CNTN4: variants seen among roughly 807,000 people sequenced by gnomAD.
CNTN4 encodes contactin 4.
A neutral mutation model predicts 122.5 loss-of-function variants in CNTN4; 77 were observed. That is an observed-to-expected ratio of 0.63 (90% confidence interval 0.52 to 0.76). CNTN4 has a LOEUF of 0.76. Among genes scored for constraint, CNTN4 ranks in the 30% least tolerant of loss-of-function variants. The pLI, the probability that CNTN4 is intolerant of heterozygous loss-of-function variation, is 0.00. For missense variants in CNTN4, 1,256 were observed against 1,259.1 expected, an observed-to-expected ratio of 1.00 and a Z score of 0.04; for synonymous variants, 512 against 447.0, an observed-to-expected ratio of 1.15 and a Z score of -1.83.
chr3:2,130,789 T>C (rs1452356088), intron 2 of CNTN4, among the ~76,000 whole-genome samples: 4 of 152,196 alleles, frequency 2.6e-5, no homozygotes, highest in Non-Finnish European at 5.9e-5. Flanking sequence ...TCTGAAGCCC[T>C]TGGGGTCAAA....
At chr3:2,206,528 A>G (rs757165351) in intron 2 of CNTN4, among the ~76,000 whole-genome samples, 7 of 152,044 alleles carry the variant, frequency 4.6e-5, no homozygotes, top group South Asian at 2.1e-4. Flanking sequence ...ATAAGAAGAC[A>G]TATTTGGTTT....
chr3:2,727,930 G>T (rs1429525698), intron 4 of CNTN4, among the ~76,000 whole-genome samples: 1 of 152,184 alleles, frequency 6.6e-6, no homozygotes, highest in African/African-American at 2.4e-5. Flanking sequence ...TATCCTTTAA[G>T]CAGGCATGTC....
chr3:2,103,887 G>A (rs2032204873), intron 2 of CNTN4, among the ~76,000 whole-genome samples: 1 of 152,110 alleles, frequency 6.6e-6, no homozygotes, highest in Admixed American at 6.5e-5. Flanking sequence ...TCATAAAAAT[G>A]CCTGTTAGAG....
chr3:2,773,785 G>T (rs1286961986), intron 6 of CNTN4, among the ~76,000 whole-genome samples: 1 of 11,788 alleles, frequency 8.5e-5, no homozygotes, highest in African/African-American at 1.4e-4. Context: ...TTTTGAGACG[G>T]AGTCTCCCTC....
chr3:2,252,676 T>C (rs1044169720), intron 2 of CNTN4, among the ~76,000 whole-genome samples: 3 of 152,220 alleles, frequency 2.0e-5, no homozygotes, highest in African/African-American at 7.2e-5. Flanking sequence ...ACTATGAAAC[T>C]TAACTCACAC....
chr3:2,346,788 T>G (rs2150404141), intron 3 of CNTN4, among the ~76,000 whole-genome samples: 1 of 152,344 alleles, frequency 6.6e-6, no homozygotes, highest in South Asian at 2.1e-4. Flanking sequence ...TTCTGCAGTT[T>G]CACAATGATA....
intron 13 of CNTN4, among the ~76,000 whole-genome samples, chr3:2,981,358 G>A (rs894540230): frequency 5.3e-5 from 8 of 151,580 alleles, no homozygotes; most frequent in Admixed American, 3.9e-4. Flanking sequence ...GCGGGAGAAT[G>A]GCGTGAACCC....
intron 2 of CNTN4, among the ~76,000 whole-genome samples, chr3:2,262,773 T>G (rs973060953): frequency 6.6e-5 from 10 of 152,100 alleles, no homozygotes; most frequent in African/African-American, 2.4e-4. Flanking sequence ...AGAAAATTCA[T>G]AAGATCAGGA....
At chr3:3,030,080 A>G (rs954262753) in intron 15 of CNTN4, among the ~76,000 whole-genome samples, 3 of 152,116 alleles carry the variant, frequency 2.0e-5, no homozygotes, top group African/African-American at 7.2e-5. Flanking sequence ...CTATTCTCCA[A>G]ACTTTGGATT....
chr3:2,195,789 A>G (rs111776123), intron 2 of CNTN4, among the ~76,000 whole-genome samples: 4 of 152,304 alleles, frequency 2.6e-5, no homozygotes, highest in African/African-American at 9.6e-5. Flanking sequence ...TTTAAGAGAA[A>G]ATATTCCGTG....
chr3:2,738,784 A>G (rs1028906959), intron 5 of CNTN4, among the ~76,000 whole-genome samples: 5 of 152,148 alleles, frequency 3.3e-5, no homozygotes, highest in African/African-American at 4.8e-5. Context: ...GAAGACCTAA[A>G]TGGGAAATTT....
intron 4 of CNTN4, among the ~76,000 whole-genome samples, chr3:2,607,954 A>G (rs987402435): frequency 6.6e-6 from 1 of 152,146 alleles, no homozygotes; most frequent in African/African-American, 2.4e-5. Context: ...CTGTGGTTTT[A>G]TGGGTGGCTC....
chr3:2,720,303 C>A (rs2087762666), intron 4 of CNTN4, among the ~76,000 whole-genome samples: 2 of 152,126 alleles, frequency 1.3e-5, no homozygotes, highest in South Asian at 4.1e-4. Context: ...GCTTTTATAC[C>A]CTATTAAATG....
intron 10 of CNTN4, among the ~76,000 whole-genome samples, chr3:2,897,264 G>C (rs972231542): frequency 4.8e-4 from 73 of 152,168 alleles, no homozygotes; most frequent in African/African-American, 1.7e-3. Context: ...TCAAATCCCA[G>C]CACAAGCATT....
chr3:2,982,044 C>T (rs1481187995), intron 13 of CNTN4, among the ~76,000 whole-genome samples: 1 of 152,078 alleles, frequency 6.6e-6, no homozygotes, highest in East Asian at 1.9e-4. Context: ...TCTCAAAAAA[C>T]AAAAAAATCA....
intron 3 of CNTN4, among the ~76,000 whole-genome samples, chr3:2,340,710 T>TATATATATATATAGAGAGAG: frequency 4.4e-4 from 8 of 18,300 alleles, no homozygotes; most frequent in Admixed American, 1.2e-3. Context: ...TATATATATA[T>TATATATATATATAGAGAGAG]AGAGAGAGAG....
chr3:2,697,345 C>G (rs928300509), intron 4 of CNTN4, among the ~76,000 whole-genome samples: 6 of 152,152 alleles, frequency 3.9e-5, no homozygotes, highest in Admixed American at 6.5e-5. Flanking sequence ...AGAACTATAC[C>G]TGTCCTATTT....
chr3:2,560,225 C>T (rs1041816389), intron 3 of CNTN4, among the ~76,000 whole-genome samples: 9 of 151,714 alleles, frequency 5.9e-5, no homozygotes, highest in African/African-American at 1.9e-4. Flanking sequence ...ACTGCAGCCT[C>T]GATTTCCCAG....
Position 3,056,878 on chromosome 3 carries a change from T to C in CNTN4, c.*658T>C, listed in dbSNP as rs1424888983. ...ACCCAACTTGAGATGGTTTCAGGAA[T>C]GGCTGCAATCTCAAAAGCTCAATGT... On this transcript the variant is annotated 3_prime_UTR_variant, in exon 25 of 25. Coordinates refer to ENST00000418658, the MANE Select transcript of CNTN4 (RefSeq NM_175607.3). 1 of 152,732 alleles carries C rather than the reference T, an allele frequency of 6.5e-6. No homozygotes were observed. The highest frequency in any genetic ancestry group is 1.5e-5 in the Non-Finnish European group (1 of 68,096). 9.5% of individuals were successfully genotyped at this position (152,732 alleles called of 1,614,324 possible).
Sources: gnomAD v4.1 joint callset for allele counts (sites outside exome capture counted in the v4.1 genomes callset) on GRCh38, gnomAD v4.1.1 for gene constraint, MANE v1.5 for transcripts, NCBI Gene and HGNC (gene_info 2026-07-23, HGNC 2026-07-21) for gene names.